Variants in DHRSX observed in about 807,000 individuals in gnomAD.
DHRSX encodes polyprenol dehydrogenase.
A neutral mutation model predicts 34.0 loss-of-function variants in DHRSX; 31 were observed. The observed-to-expected ratio is 0.91, with a 90% CI of 0.69 to 1.23. The LOEUF (loss-of-function observed/expected upper bound fraction) is 1.23. DHRSX is among the 50% of genes most tolerant of loss of function. The pLI is 0.00. For synonymous variants in DHRSX, 201 were observed against 183.8 expected (o/e 1.09, Z -0.76); for missense variants, 414 against 428.1 (o/e 0.97, Z 0.29).
rs193065386 is a variant in DHRSX, at chrX:2,465,551, C to T, written c.109+35266G>A. Among the ~76,000 whole-genome samples the T allele has an allele frequency of 1.4e-4, 21 of 152,032 alleles. No individual in the cohort carries two copies. In the East Asian group the frequency reaches 1.9e-3, roughly 14 times the overall value. Reference sequence around the variant, plus strand: ...GGCACCGTGGCTGACACCTGTCATCCGAGCACTTTGGGAGGCTGAGGCAGG... The same window carrying T: ...GGCACCGTGGCTGACACCTGTCATCTGAGCACTTTGGGAGGCTGAGGCAGG... On this transcript the variant is annotated intron_variant, in intron 1 of 6. Transcript: ENST00000334651.
chrX:2,345,514 G>A (rs190407426), intron 3 of DHRSX, among the ~76,000 whole-genome samples: 9 of 151,832 alleles, frequency 5.9e-5, no homozygotes, highest in Admixed American at 5.3e-4. Flanking sequence ...GGGCGTGGTG[G>A]TGTGTGCCTA....
chrX:2,317,445 G>A (rs1421997773), intron 3 of DHRSX, among the ~76,000 whole-genome samples: 1 of 144,668 alleles, frequency 6.9e-6, no homozygotes, highest in African/African-American at 2.6e-5. Flanking sequence ...TACAGACGGG[G>A]TTTTGCCATG....
chrX:2,297,547 G>A (rs73628280), intron 3 of DHRSX, among the ~76,000 whole-genome samples: 334 of 152,286 alleles, frequency 2.2e-3, no homozygotes, highest in African/African-American at 6.9e-3. Flanking sequence ...AAAATAGGGT[G>A]TTTAGACATT....
intron 3 of DHRSX, among the ~76,000 whole-genome samples, chrX:2,317,631 A>G (rs1602933220): frequency 6.6e-6 from 1 of 150,912 alleles, no homozygotes; most frequent in East Asian, 1.9e-4. Flanking sequence ...GAGGAAAGAA[A>G]AAAAAAAGAA....
chrX:2,343,576 T>TA (rs770900388), intron 3 of DHRSX, among the ~76,000 whole-genome samples: 32 of 152,208 alleles, frequency 2.1e-4, no homozygotes, highest in African/African-American at 7.2e-4. Flanking sequence ...TCCAAATGGC[T>TA]ACCTTAACAG....
At chrX:2,353,701 A>G (rs1366872210) in intron 3 of DHRSX, among the ~76,000 whole-genome samples, 1 of 150,210 alleles carries the variant, frequency 6.7e-6, no homozygotes, top group Non-Finnish European at 1.5e-5. Flanking sequence ...CTCCTGCCTC[A>G]GCCCCCTGAG....
chrX:2,485,450 G>A (rs1296860558), intron 1 of DHRSX, among the ~76,000 whole-genome samples: 1 of 145,498 alleles, frequency 6.9e-6, no homozygotes, highest in East Asian at 1.9e-4. Flanking sequence ...TGTGTTTCTT[G>A]GGGGCCATTG....
At chrX:2,441,545 G>C (rs2044062392) in intron 1 of DHRSX, among the ~76,000 whole-genome samples, 1 of 152,078 alleles carries the variant, frequency 6.6e-6, no homozygotes, top group South Asian at 2.1e-4. Flanking sequence ...AAATGTGCAG[G>C]GTAGACCAGC....
intron 1 of DHRSX, among the ~76,000 whole-genome samples, chrX:2,484,679 G>C (rs1473408737): frequency 6.6e-6 from 1 of 152,134 alleles, no homozygotes; most frequent in Non-Finnish European, 1.5e-5. Context: ...ACTCTCAGGT[G>C]AGCCCCACGA....
rs1183236164 is a variant in DHRSX, at chrX:2,304,171, T to TGATGGATGGATGGATG, written c.287-12584_287-12569dup. ...TGGATGGATGGATGGATGGATGAAC[T>TGATGGATGGATGGATG]GATGGATGGATGGATGGATGGATGG... On this transcript the variant is annotated intron_variant, in intron 3 of 6. Coordinates refer to ENST00000334651, the MANE Select transcript of DHRSX (RefSeq NM_145177.3). Among the ~76,000 whole-genome samples, 466 of 72,660 alleles carry TGATGGATGGATGGATG rather than the reference T, an allele frequency of 6.4e-3. 37 individuals are homozygous for TGATGGATGGATGGATG. Among genetic ancestry groups the TGATGGATGGATGGATG allele is most frequent in the African/African-American group, 0.031 (406 of 12,990 alleles). 47.7% of individuals were successfully genotyped at this position (72,660 alleles called of 152,430 possible). A position where few individuals can be genotyped will look rare whatever the true frequency, so the allele number is the denominator to read the frequency against.
At position 2,335,104 on chromosome X, in the gene DHRSX, G is replaced by A. The variant is rs1035459991; in HGVS notation, c.287-43501C>T. On this transcript the variant is annotated intron_variant, in intron 3 of 6. Coordinates refer to ENST00000334651, the MANE Select transcript of DHRSX (RefSeq NM_145177.3). ...GGAGGCTGAGGCAGGGGAATCGCTG[G>A]AACCAGGGAGGTGGAGGTTGCAGTG... Among the ~76,000 whole-genome samples, 18 of 150,256 alleles carry A rather than the reference G, an allele frequency of 1.2e-4. 1 individual carries two copies. The highest frequency in any genetic ancestry group is 4.2e-4 in the African/African-American group (17 of 40,916).
intron 1 of DHRSX, among the ~76,000 whole-genome samples, chrX:2,441,694 A>G (rs1328308410): frequency 6.6e-6 from 1 of 152,162 alleles, no homozygotes; most frequent in African/African-American, 2.4e-5. Flanking sequence ...CACCCACATT[A>G]TGAACAGCTA....
chrX:2,267,955 T>C (rs2041497564), intron 4 of DHRSX, among the ~76,000 whole-genome samples: 1 of 152,074 alleles, frequency 6.6e-6, no homozygotes, highest in Non-Finnish European at 1.5e-5. Context: ...CCCAGAATTC[T>C]GGACAAGTAT....
intron 1 of DHRSX, among the ~76,000 whole-genome samples, chrX:2,483,511 C>T (rs1459187786): frequency 6.6e-6 from 1 of 152,062 alleles, no homozygotes; most frequent in South Asian, 2.1e-4. Flanking sequence ...TCAAGCGATC[C>T]GCCTGCCTCG....
rs751571609 is a variant in DHRSX at position 2,393,829 on chromosome X, G to C, written c.286+14916C>G. On this transcript the variant is annotated intron_variant, in intron 3 of 6. Transcript: ENST00000334651. ...ACACACGACACACAGGGACCTCCCC[G>C]TCTCCTGCACACACGACACACAGGG... Among the ~76,000 whole-genome samples, 174 of 52,502 alleles carry C rather than the reference G, an allele frequency of 3.3e-3. 42 individuals are homozygous for C. The highest frequency in any genetic ancestry group is 0.019 in the East Asian group (34 of 1,776). 34.4% of individuals were successfully genotyped at this position (52,502 alleles called of 152,430 possible).
Position 2,376,571 on chromosome X carries a change from C to T in DHRSX, c.286+32174G>A, listed in dbSNP as rs1823920350. ...TAGGAATGAAAGCTCACTTGGATAT[C>T]AGATCTTTGCATACAATTAGGTTGC... On this transcript the variant is annotated intron_variant, in intron 3 of 6. Coordinates refer to ENST00000334651, the MANE Select transcript of DHRSX (RefSeq NM_145177.3). Among the ~76,000 whole-genome samples, 2 of 137,618 alleles carry T rather than the reference C, an allele frequency of 1.5e-5. 1 individual carries two copies. The highest frequency in any genetic ancestry group is 4.6e-4 in the South Asian group (2 of 4,338). 90.3% of individuals were successfully genotyped at this position (137,618 alleles called of 152,430 possible).
chrX:2,431,285 A>G (rs1289723431), intron 1 of DHRSX, among the ~76,000 whole-genome samples: 1 of 149,190 alleles, frequency 6.7e-6, no homozygotes, highest in South Asian at 2.1e-4. Context: ...AGATTGTGCC[A>G]CTGCACTCCA....
chrX:2,411,991 G>A (rs1208379093), intron 2 of DHRSX, among the ~76,000 whole-genome samples: 2 of 152,172 alleles, frequency 1.3e-5, no homozygotes, highest in African/African-American at 2.4e-5. Context: ...TGGCACGTGC[G>A]GTATCTTCTT....
intron 5 of DHRSX, among the ~76,000 whole-genome samples, chrX:2,260,632 TG>T: frequency 6.6e-6 from 1 of 152,156 alleles, no homozygotes; most frequent in Middle Eastern, 3.4e-3. Flanking sequence ...GCTAATTTTT[TG>T]TATTTTTAGT....
Sources: gnomAD v4.1 joint callset for allele counts (sites outside exome capture counted in the v4.1 genomes callset) on GRCh38, gnomAD v4.1.1 for gene constraint, MANE v1.5 for transcripts, NCBI Gene and HGNC (gene_info 2026-07-23, HGNC 2026-07-21) for gene names.